Variants in TNIK observed in about 807,000 individuals in gnomAD.
The protein encoded by TNIK is TRAF2 and NCK-interacting protein kinase.
In TNIK, 49 loss-of-function variants were observed where a neutral mutation model predicts 191.3. The observed-to-expected ratio is 0.26, with a 90% CI of 0.20 to 0.32. The LOEUF (loss-of-function observed/expected upper bound fraction) is 0.32, where lower values mean the gene tolerates loss of function less well. Ranked by LOEUF, TNIK falls within the 10% of genes least tolerant of loss-of-function variation. The pLI, the probability that TNIK is intolerant of heterozygous loss-of-function variation, is 1.00. For missense variants in TNIK, 1,155 were observed against 1,702.3 expected (o/e 0.68, Z 5.66); for synonymous variants, 594 against 600.9 (o/e 0.99, Z 0.17).
intron 18 of TNIK, 65 bp downstream of exon 18, chr3:171,123,531 G>A (rs1728059077): frequency 7.5e-7 from 1 of 1,336,050 alleles, no homozygotes; most frequent in Admixed American, 2.8e-5. Context: ...GCATTTCTAG[G>A]AAAGCAATAA....
At chr3:171,411,522 T>C (rs1025746847) in intron 1 of TNIK, among the ~76,000 whole-genome samples, 2 of 152,174 alleles carry the variant, frequency 1.3e-5, no homozygotes, top group African/African-American at 4.8e-5. Flanking sequence ...AATATTTTCA[T>C]GGAGGTGCAA....
At chr3:171,385,100 A>C (rs1470846826) in intron 1 of TNIK, among the ~76,000 whole-genome samples, 1 of 152,202 alleles carries the variant, frequency 6.6e-6, no homozygotes, top group African/African-American at 2.4e-5. Flanking sequence ...GGGCACACGG[A>C]GGTCAAAACG....
intron 18 of TNIK, among the ~76,000 whole-genome samples, chr3:171,119,657 A>C (rs1183898465): frequency 6.6e-6 from 1 of 152,080 alleles, no homozygotes; most frequent in Non-Finnish European, 1.5e-5. Context: ...GACATGTATG[A>C]AGCTGGAAAC....
chr3:171,255,192 T>C (rs1011572342), intron 2 of TNIK, among the ~76,000 whole-genome samples: 11 of 152,196 alleles, frequency 7.2e-5, no homozygotes, highest in African/African-American at 1.9e-4. Flanking sequence ...TTGAAGTTCT[T>C]GAAAGAAACA....
intron 10 of TNIK, among the ~76,000 whole-genome samples, chr3:171,166,268 T>C (rs997616448): frequency 1.1e-4 from 17 of 152,258 alleles, no homozygotes; most frequent in African/African-American, 3.1e-4. Flanking sequence ...TGCTCATTTC[T>C]ACAAAATGCA....
At chr3:171,090,036 T>G (rs755315344) in intron 23 of TNIK, among the ~76,000 whole-genome samples, 2 of 152,146 alleles carry the variant, frequency 1.3e-5, no homozygotes, top group African/African-American at 2.4e-5. Context: ...CACTGGAATT[T>G]AATATTAAGC....
Position 171,076,542 on chromosome 3 carries a change from C to T in TNIK, c.3448+2976G>A, listed in dbSNP as rs553120709. ...GAACTGAAGGTGTCTAAAGTTCCTC[C>T]GCCGCTCCTTTATTGTCATTCTTTA... On this transcript the variant is annotated intron_variant, in intron 28 of 32. Coordinates refer to ENST00000436636, the MANE Select transcript of TNIK (RefSeq NM_015028.4). Among the ~76,000 whole-genome samples, 95 of 152,240 alleles carry T rather than the reference C, an allele frequency of 6.2e-4. 1 individual carries two copies. The South Asian group carries it at 7.9e-3, about 13-fold the overall frequency.
chr3:171,164,380 G>T (rs1560203973), intron 10 of TNIK, among the ~76,000 whole-genome samples: 1 of 152,302 alleles, frequency 6.6e-6, no homozygotes, highest in East Asian at 1.9e-4. Context: ...GAAAAAGTAT[G>T]GGTCAATAAG....
intron 1 of TNIK, among the ~76,000 whole-genome samples, chr3:171,397,170 G>A (rs895481804): frequency 6.6e-6 from 1 of 152,196 alleles, no homozygotes; most frequent in East Asian, 1.9e-4. Flanking sequence ...TTGGTCTGAT[G>A]TGCCAGTCTC....
At chr3:171,185,177 CCGTGTGTGTG>C (rs1194073665) in intron 7 of TNIK, among the ~76,000 whole-genome samples, 198 of 118,032 alleles carry the variant, frequency 1.7e-3, no homozygotes, top group African/African-American at 7.1e-3. Context: ...TATAGATTTC[CCGTGTGTGTG>C]TGTGTGTGTG....
intron 23 of TNIK, among the ~76,000 whole-genome samples, chr3:171,093,319 C>T (rs191379203): frequency 3.7e-4 from 57 of 152,254 alleles, no homozygotes; most frequent in Non-Finnish European, 7.4e-4. Flanking sequence ...TTCCAAGGTA[C>T]ATTTTTGAAG....
At chr3:171,141,296 C>T (rs755712757) in intron 12 of TNIK, among the ~76,000 whole-genome samples, 17 of 152,094 alleles carry the variant, frequency 1.1e-4, no homozygotes, top group Non-Finnish European at 1.8e-4. Flanking sequence ...AACTGAGGTA[C>T]GGAGAGATTA....
At chr3:171,376,065 GA>G (rs1717173995) in intron 1 of TNIK, among the ~76,000 whole-genome samples, 1 of 152,158 alleles carries the variant, frequency 6.6e-6, no homozygotes, top group African/African-American at 2.4e-5. Context: ...CGGGCCTTAA[GA>G]AGACCAAAAT....
intron 25 of TNIK, 102 bp downstream of exon 25, chr3:171,085,014 GCA>G: frequency 3.7e-6 from 3 of 800,392 alleles, no homozygotes; most frequent in Non-Finnish European, 5.8e-6. Flanking sequence ...TAGGACCTAA[GCA>G]GTAATCAGCT....
chr3:171,158,066 G>C (rs1733466012), intron 11 of TNIK, among the ~76,000 whole-genome samples: 2 of 152,150 alleles, frequency 1.3e-5, no homozygotes, highest in Admixed American at 1.3e-4. Flanking sequence ...GGGCAACAAG[G>C]GTACTCAGAC....
rs1720793216 is a variant in TNIK, at chr3:171,082,287, C to T, written c.3277G>A (p.Val1093Met). Residue 1093 changes from valine to methionine, a missense_variant, in exon 27 of 33, where the codon GTG becomes ATG. Transcript: ENST00000436636. The part of the protein sequence containing the change: ...INRRRFQQMD[V>M]LEGLNVLVTI... ...ACAAGGACATTCAGTCCCTCTAGCA[C>T]ATCCATCTGCTGAAATCGCCTCCGG... 1 of 1,613,596 alleles carries T rather than the reference C, an allele frequency of 6.2e-7. No homozygotes were observed. Among genetic ancestry groups the T allele is most frequent in the Non-Finnish European group, 8.5e-7 (1 of 1,179,776 alleles).
chr3:171,323,363 C>T (rs1755382036), intron 2 of TNIK, among the ~76,000 whole-genome samples: 1 of 152,086 alleles, frequency 6.6e-6, no homozygotes, highest in South Asian at 2.1e-4. Context: ...TTACGTATGC[C>T]CCTCCTAGAC....
chr3:171,241,222 G>T (rs896369309), intron 2 of TNIK, among the ~76,000 whole-genome samples: 1 of 151,904 alleles, frequency 6.6e-6, no homozygotes, highest in Non-Finnish European at 1.5e-5. Flanking sequence ...TAGAGACAGG[G>T]TTTCTTCATG....
intron 4 of TNIK, among the ~76,000 whole-genome samples, chr3:171,210,898 G>A (rs1740734324): frequency 6.6e-6 from 1 of 151,182 alleles, no homozygotes; most frequent in South Asian, 2.1e-4. Flanking sequence ...CTTTGGGGAT[G>A]GTCCATATTA....
Sources: allele counts gnomAD v4.1 joint callset (sites outside exome capture counted in the v4.1 genomes callset), GRCh38; gene constraint gnomAD v4.1.1; transcripts MANE v1.5; gene names NCBI Gene and HGNC (gene_info 2026-07-23, HGNC 2026-07-21).